Variants in CCDC91 observed in about 807,000 individuals in gnomAD.
CCDC91 encodes coiled-coil domain-containing protein 91.
CCDC91 carries 48 observed loss-of-function variants against 63.2 expected under a neutral mutation model. That is an observed-to-expected ratio of 0.76 (90% CI 0.60 to 0.97). CCDC91 has a LOEUF of 0.97. Ranked by LOEUF, CCDC91 falls within the 50% of genes least tolerant of loss-of-function variation. The pLI, the probability that CCDC91 is intolerant of heterozygous loss-of-function variation, is 0.00. For missense variants in CCDC91, 500 were observed against 494.6 expected, an observed-to-expected ratio of 1.01 and a Z score of -0.10; for synonymous variants, 167 against 165.8, an observed-to-expected ratio of 1.01 and a Z score of -0.06.
At chr12:28,265,689 A>G (rs1947141209) in intron 3 of CCDC91, among the ~76,000 whole-genome samples, 1 of 152,002 alleles carries the variant, frequency 6.6e-6, no homozygotes, top group African/African-American at 2.4e-5. Flanking sequence ...TGAGTCCACA[A>G]ATTTTTGTTT....
chr12:28,285,697 T>G (rs1386265710), intron 3 of CCDC91, among the ~76,000 whole-genome samples: 2 of 112,162 alleles, frequency 1.8e-5, no homozygotes, highest in Non-Finnish European at 3.9e-5. Context: ...TTTCCTTTAT[T>G]TAAGTTTCTA....
intron 3 of CCDC91, among the ~76,000 whole-genome samples, chr12:28,302,344 C>G (rs529494954): frequency 2.0e-5 from 3 of 151,986 alleles, no homozygotes; most frequent in African/African-American, 7.2e-5. Flanking sequence ...TCAATGACAA[C>G]TTCCATTTAC....
intron 12 of CCDC91, among the ~76,000 whole-genome samples, chr12:28,542,000 GGC>G (rs1942662919): frequency 6.6e-6 from 1 of 151,792 alleles, no homozygotes; most frequent in African/African-American, 2.4e-5. Context: ...CTAAATCTAT[GGC>G]TTTTGTTTTT....
chr12:28,361,185 T>A (rs1943854394), intron 6 of CCDC91, among the ~76,000 whole-genome samples: 1 of 151,670 alleles, frequency 6.6e-6, no homozygotes, highest in Non-Finnish European at 1.5e-5. Flanking sequence ...TTTTTATTAT[T>A]TTATTATTAT....
At chr12:28,434,594 G>GTTTTTTTTT (rs376645678) in intron 8 of CCDC91, among the ~76,000 whole-genome samples, 17 of 73,438 alleles carry the variant, frequency 2.3e-4, no homozygotes, top group African/African-American at 4.7e-4. Flanking sequence ...CCTTGGTCTG[G>GTTTTTTTTT]TTTTTTTTTT....
At chr12:28,444,077 T>G in intron 8 of CCDC91, among the ~76,000 whole-genome samples, 1 of 152,180 alleles carries the variant, frequency 6.6e-6, no homozygotes, top group East Asian at 1.9e-4. Flanking sequence ...ATAGGGTTAT[T>G]TAACAAACTG....
intron 1 of CCDC91, among the ~76,000 whole-genome samples, chr12:28,231,898 A>G (rs1944625157): frequency 6.6e-6 from 1 of 152,160 alleles, no homozygotes; most frequent in South Asian, 2.1e-4. Flanking sequence ...CCCAGCTGTA[A>G]ATTAGGAACT....
At chr12:28,242,420 AG>A (rs771581539) in intron 1 of CCDC91, among the ~76,000 whole-genome samples, 9 of 152,228 alleles carry the variant, frequency 5.9e-5, no homozygotes, top group Non-Finnish European at 1.2e-4. Flanking sequence ...TGTGTTGGTC[AG>A]GTGAGACACA....
chr12:28,268,301 G>C (rs1162071420), intron 3 of CCDC91, among the ~76,000 whole-genome samples: 1 of 151,860 alleles, frequency 6.6e-6, no homozygotes, highest in East Asian at 1.9e-4. Context: ...CTGACCTCGT[G>C]ATCTGCCCAC....
At chr12:28,242,188 C>T (rs1040945161) in intron 1 of CCDC91, among the ~76,000 whole-genome samples, 3 of 152,012 alleles carry the variant, frequency 2.0e-5, no homozygotes, top group Admixed American at 6.6e-5. Context: ...GGGATTTGGT[C>T]ATATGATGCT....
intron 12 of CCDC91, among the ~76,000 whole-genome samples, chr12:28,522,510 T>G (rs1386806606): frequency 6.6e-6 from 1 of 152,118 alleles, no homozygotes; most frequent in Non-Finnish European, 1.5e-5. Flanking sequence ...TTTATTGATC[T>G]TTTCAAAAAA....
intron 8 of CCDC91, among the ~76,000 whole-genome samples, chr12:28,439,508 A>G (rs192547505): frequency 7.2e-5 from 11 of 152,242 alleles, no homozygotes; most frequent in Admixed American, 5.9e-4. Context: ...AGTTTCTGTT[A>G]CAGAATATAT....
At chr12:28,337,274 T>C (rs1942054880) in intron 6 of CCDC91, among the ~76,000 whole-genome samples, 1 of 152,166 alleles carries the variant, frequency 6.6e-6, no homozygotes. Flanking sequence ...GTATTTGATG[T>C]TTTTCGTTAA....
intron 11 of CCDC91, among the ~76,000 whole-genome samples, chr12:28,459,816 A>G (rs1055366374): frequency 2.6e-5 from 4 of 152,112 alleles, no homozygotes; most frequent in African/African-American, 7.2e-5. Context: ...ATTCAACTAT[A>G]CCATTCATGT....
At chr12:28,438,930 C>G in intron 8 of CCDC91, among the ~76,000 whole-genome samples, 2 of 152,222 alleles carry the variant, frequency 1.3e-5, no homozygotes, top group East Asian at 3.9e-4. Context: ...CAGAAATAAT[C>G]CTCTGCTTAA....
At chr12:28,534,122 G>A (rs1941964843) in intron 12 of CCDC91, among the ~76,000 whole-genome samples, 2 of 151,988 alleles carry the variant, frequency 1.3e-5, no homozygotes, top group Non-Finnish European at 2.9e-5. Context: ...TCAGATTCTG[G>A]AGCTAGACAC....
Position 28,493,288 on chromosome 12 carries a change from G to A in CCDC91, c.1215+9123G>A, listed in dbSNP as rs1305355743. Among the ~76,000 whole-genome samples, 5 of 151,340 alleles carry A rather than the reference G, an allele frequency of 3.3e-5. No homozygotes were observed. The East Asian group carries it at 9.7e-4, about 29-fold the overall frequency. ...ATGGTGAGATTGTAGGATCTACCTT[G>A]GTAAATTTTTAAGACTGATTGAATA... On this transcript the variant is annotated intron_variant, in intron 12 of 12. Transcript: ENST00000536442.
At chr12:28,516,282 T>C (rs1288746263) in intron 12 of CCDC91, among the ~76,000 whole-genome samples, 4 of 151,930 alleles carry the variant, frequency 2.6e-5, no homozygotes, top group Admixed American at 2.0e-4. Context: ...TCAGAATACC[T>C]AAGACTGAGT....
At chr12:28,490,037 C>A (rs1227375813) in intron 12 of CCDC91, among the ~76,000 whole-genome samples, 1 of 151,694 alleles carries the variant, frequency 6.6e-6, no homozygotes. Context: ...GTTGATAAAC[C>A]CCTTGAGAGA....
Sources: allele counts gnomAD v4.1 joint callset (sites outside exome capture counted in the v4.1 genomes callset), GRCh38; gene constraint gnomAD v4.1.1; transcripts MANE v1.5; gene names NCBI Gene and HGNC (gene_info 2026-07-23, HGNC 2026-07-21).